STXBP2: variants seen among roughly 807,000 people sequenced by gnomAD.
STXBP2 encodes the protein syntaxin-binding protein 2.
In STXBP2, 47 loss-of-function variants were observed where a neutral mutation model predicts 72.2. The observed-to-expected ratio is 0.65, with a 90% CI of 0.51 to 0.83. The LOEUF is 0.83. Ranked by LOEUF, STXBP2 falls within the 40% of genes least tolerant of loss-of-function variation. STXBP2 has a pLI of 0.00. For missense variants in STXBP2, 702 were observed against 807.6 expected (o/e 0.87, Z 1.58); for synonymous variants, 367 against 338.7 (o/e 1.08, Z -0.92).
intron 3 of STXBP2, 38 bp from the exon 4 acceptor site, chr19:7,639,693 A>G (rs772373584): frequency 1.9e-6 from 3 of 1,601,134 alleles, no homozygotes; most frequent in Non-Finnish European, 2.6e-6. Context: ...CCCTGCCTGG[A>G]TGCCACCCAC....
At chr19:7,633,888 A>G (rs2031436352), upstream of STXBP2, 1 of 175,278 alleles carries the variant, frequency 5.7e-6, no homozygotes, top group Non-Finnish European at 1.2e-5. Flanking sequence ...GGCAGCTGCC[A>G]CCTGCAGTCG....
chr19:7,634,551 A>G (rs971216897), upstream of STXBP2, among the ~76,000 whole-genome samples: 6 of 152,236 alleles, frequency 3.9e-5, no homozygotes, highest in African/African-American at 1.4e-4. Context: ...ATATTTTTAT[A>G]TAGAGATGAG....
chr19:7,645,058 T>G, intron 14 of STXBP2, 139 bp from the exon 15 acceptor site: 1 of 1,458,430 alleles, frequency 6.9e-7, no homozygotes, highest in Non-Finnish European at 9.3e-7. Context: ...TTGCTCACAC[T>G]AGCACAGGGT....
At chr19:7,632,193 T>C (rs1301584692), upstream of STXBP2, 2 of 809,842 alleles carry the variant, frequency 2.5e-6, no homozygotes, top group African/African-American at 1.7e-5. The surrounding 1 kb of genome is among the most constrained non-coding windows in gnomAD (Gnocchi z 5.2). Flanking sequence ...GTTCCAGCCA[T>C]GGGTCTTACA....
chr19:7,638,662 AGGCTTGG>A, intron 1 of STXBP2, 57 bp from the exon 2 acceptor site: 1 of 1,582,860 alleles, frequency 6.3e-7, no homozygotes, highest in Non-Finnish European at 8.7e-7. Context: ...AAGGCTGAGA[AGGCTTGG>A]GGCAGTGGTG....
In STXBP2 at chr19:7,642,147, G is replaced by T. The variant is rs756273504; in HGVS notation, c.663+29G>T. ...AGGGGGCGTGCTTGGGAGGTGAGGG[G>T]CAGCCCCAACCGGCTCAGGGTCAGT... On this transcript the variant is annotated intron_variant, in intron 8 of 18. Transcript: ENST00000221283. This position sits in a 1 kb window ranked among gnomAD's most constrained non-coding sequence, Gnocchi z 6.0. 2 of 1,613,914 alleles carry T rather than the reference G, an allele frequency of 1.2e-6. No homozygotes were observed. The highest frequency in any genetic ancestry group is 1.7e-5 in the Admixed American group (1 of 59,996).
upstream of STXBP2, chr19:7,632,962 C>A (rs565194202): frequency 1.2e-5 from 17 of 1,470,282 alleles, no homozygotes; most frequent in Non-Finnish European, 1.5e-5. This position sits in a 1 kb window ranked among gnomAD's most constrained non-coding sequence, Gnocchi z 5.2. Flanking sequence ...CCATGGTCCC[C>A]GCCGATCCTC....
At chr19:7,630,764 C>T in the STXBP2 span, 4 of 1,536,798 alleles carry the variant, frequency 2.6e-6, no homozygotes, top group East Asian at 4.9e-5. Context: ...CCGACCCTGC[C>T]CTGATGTGGG....
chr19:7,641,606 A>G (rs905260773), intron 6 of STXBP2, 99 bp from the exon 7 acceptor site: 7 of 1,500,072 alleles, frequency 4.7e-6, no homozygotes, highest in African/African-American at 4.2e-5. Flanking sequence ...TTCAGGGACC[A>G]GGGACGGCTC....
At chr19:7,631,155 C>G in the STXBP2 span, 1 of 1,047,974 alleles carries the variant, frequency 9.5e-7, no homozygotes, top group Non-Finnish European at 1.3e-6. Context: ...TTGCAGTGAG[C>G]CCAAGATCAC....
In STXBP2 at chr19:7,642,286, C is replaced by T. The variant is rs772393674; in HGVS notation, c.747C>T (p.Phe249=). Residue 249 remains phenylalanine, a synonymous_variant, in exon 9 of 19, where the codon TTC becomes TTT. Transcript: ENST00000221283. The surrounding 1 kb of genome is among the most constrained non-coding windows in gnomAD (Gnocchi z 6.0). ...PVSPLLHELT[F]QAMAYDLLDI... is the part of the protein sequence containing the mutation. ...CCCCACTACTGCATGAGCTCACGTT[C>T]CAGGCCATGGCGTATGATCTGCTGG... 12 of 1,614,054 alleles carry T rather than the reference C, an allele frequency of 7.4e-6. No homozygotes were observed. Among genetic ancestry groups the T allele is most frequent in the Non-Finnish European group, 1.0e-5 (12 of 1,180,030 alleles).
At chr19:7,638,988 C>T (rs1285020042) in intron 2 of STXBP2, 31 bp from the exon 3 acceptor site, 3 of 1,613,270 alleles carry the variant, frequency 1.9e-6, no homozygotes, top group Non-Finnish European at 2.5e-6. Flanking sequence ...TCCGCCTGCT[C>T]CTCCATCCAT....
upstream of STXBP2, chr19:7,633,010 C>T: frequency 7.0e-7 from 1 of 1,432,932 alleles, no homozygotes; most frequent in Non-Finnish European, 9.1e-7. Context: ...GAGTCTCCTT[C>T]CCAATCCCGG....
At position 7,647,174 on chromosome 19, in the gene STXBP2, G is replaced by T; in HGVS notation, c.1465G>T (p.Asp489Tyr). The T allele has an allele frequency of 6.2e-7, 1 of 1,611,912 alleles. No individual in the cohort carries two copies. Among genetic ancestry groups the T allele is most frequent in the Non-Finnish European group, 8.5e-7 (1 of 1,179,894 alleles). The change falls in exon 17 of 19, where the codon GAC (aspartate) becomes TAC (tyrosine). Residue 489 changes from aspartate to tyrosine, a missense_variant. Coordinates refer to ENST00000221283, the MANE Select transcript of STXBP2 (RefSeq NM_006949.4). Reference protein sequence around the residue: ...IKDVMEDAVEDRLDRNLWPFV... With the variant: ...IKDVMEDAVEYRLDRNLWPFV... ...TCTCGGCCGCCAGGACGCCGTGGAG[G>T]ACCGGCTGGACAGGAACCTGTGGCC...
intron 13 of STXBP2, 113 bp from the exon 14 acceptor site, chr19:7,644,501 G>A: frequency 1.4e-6 from 2 of 1,442,052 alleles, no homozygotes; most frequent in Non-Finnish European, 1.9e-6. Context: ...GCTGAGATGA[G>A]GTAGGACCCA....
intron 4 of STXBP2, chr19:7,640,134 GT>G: frequency 3.8e-6 from 1 of 262,628 alleles, no homozygotes. Flanking sequence ...GTGTATGTAT[GT>G]GTGTGTGCAT....
intron 4 of STXBP2, chr19:7,640,383 A>C (rs1454977273): frequency 3.6e-6 from 2 of 549,904 alleles, no homozygotes; most frequent in African/African-American, 4.7e-5. Flanking sequence ...TGTGCGCATC[A>C]GTGTCTGCAT....
upstream of STXBP2, among the ~76,000 whole-genome samples, chr19:7,633,215 G>T (rs913532318): frequency 6.6e-6 from 1 of 152,200 alleles, no homozygotes; most frequent in African/African-American, 2.4e-5. Flanking sequence ...GGGTCCACAC[G>T]GAGAGCCCTG....
At position 7,642,181 on chromosome 19, in the gene STXBP2, C is replaced by T; in HGVS notation, c.664-22C>T. On this transcript the variant is annotated intron_variant, in intron 8 of 18. Transcript: ENST00000221283. The surrounding 1 kb of genome is among the most constrained non-coding windows in gnomAD (Gnocchi z 6.0). ...ACCGGCTCAGGGTCAGTGCCTCATT[C>T]CTGCCCTAAACCCCACCCCAGGGCC... The T allele has an allele frequency of 6.2e-7, 1 of 1,614,042 alleles. No homozygotes were observed. The highest frequency in any genetic ancestry group is 1.1e-5 in the South Asian group (1 of 91,090).
Sources: gnomAD v4.1 joint callset for allele counts (sites outside exome capture counted in the v4.1 genomes callset) on GRCh38, gnomAD v4.1.1 for gene constraint, Gnocchi (gnomAD v3.1) non-coding constraint, MANE v1.5 for transcripts, NCBI Gene and HGNC (gene_info 2026-07-23, HGNC 2026-07-21) for gene names.